SLC12A1: variants seen among roughly 807,000 people sequenced by gnomAD.
SLC12A1 encodes solute carrier family 12 member 1.
Under a neutral mutation model 130.4 loss-of-function variants are expected in SLC12A1, and 89 were observed. That is an observed-to-expected ratio of 0.68 (90% CI 0.58 to 0.81). The LOEUF (loss-of-function observed/expected upper bound fraction) is 0.81. Ranked by LOEUF, SLC12A1 falls within the 40% of genes least tolerant of loss-of-function variation. The probability of loss-of-function intolerance (pLI) is 0.00; values close to 1 mark genes in which losing one functional copy is unlikely to be tolerated. For synonymous variants in SLC12A1, 499 were observed against 460.0 expected, an observed-to-expected ratio of 1.08 and a Z score of -1.09; for missense variants, 1,310 against 1,336.4, an observed-to-expected ratio of 0.98 and a Z score of 0.31.
chr15:48,259,903 A>C (rs1025726635), intron 17 of SLC12A1, among the ~76,000 whole-genome samples: 14 of 152,182 alleles, frequency 9.2e-5, no homozygotes, highest in Non-Finnish European at 4.4e-5. Context: ...GGTATTCAAA[A>C]CTGGTGCTAG....
At chr15:48,283,057 G>A (rs2042023997) in intron 20 of SLC12A1, among the ~76,000 whole-genome samples, 1 of 152,170 alleles carries the variant, frequency 6.6e-6, no homozygotes, top group Non-Finnish European at 1.5e-5. Flanking sequence ...CACCCAAAGA[G>A]TGTGCAATAA....
chr15:48,299,845 T>G (rs1288843211), intron 25 of SLC12A1, among the ~76,000 whole-genome samples: 2 of 152,030 alleles, frequency 1.3e-5, no homozygotes, highest in Non-Finnish European at 2.9e-5. Flanking sequence ...ATGAAGTTGG[T>G]GATAATGAGA....
At chr15:48,226,782 T>G in intron 5 of SLC12A1, 1 of 609,698 alleles carries the variant, frequency 1.6e-6, no homozygotes, top group Non-Finnish European at 2.9e-6. Context: ...TCTGGCACAT[T>G]GTAGGTTATG....
intron 20 of SLC12A1, among the ~76,000 whole-genome samples, chr15:48,282,981 A>G (rs2042023238): frequency 6.6e-6 from 1 of 152,228 alleles, no homozygotes; most frequent in Non-Finnish European, 1.5e-5. Context: ...TACAAAATGA[A>G]GATGATAATA....
In SLC12A1 at chr15:48,255,846, T is replaced by C. The variant is rs1202784449; in HGVS notation, c.1978T>C (p.Tyr660His). Reference protein sequence around the residue: ...NWGSSTQALSYVSALDNALEL... With the variant: ...NWGSSTQALSHVSALDNALEL... ...GGGCTCCTCCACACAGGCTCTTTCC[T>C]ACGTGAGTGCTTTAGACAATGCTCT... The change falls in exon 16 of 27, where the codon TAC becomes CAC. Residue 660 changes from tyrosine (Y) to histidine (H), a missense_variant. Transcript: ENST00000380993. 4.4e-6 allele frequency: 7 copies of C among 1,608,516 alleles called. No homozygotes were observed. The Admixed American group carries it at 6.7e-5, about 16-fold the overall frequency.
chr15:48,265,059 T>A (rs2041818455), intron 17 of SLC12A1, among the ~76,000 whole-genome samples: 1 of 152,208 alleles, frequency 6.6e-6, no homozygotes, highest in Non-Finnish European at 1.5e-5. Flanking sequence ...CTATGGCATA[T>A]TTGAATGTTG....
intron 16 of SLC12A1, among the ~76,000 whole-genome samples, chr15:48,256,828 C>CT (rs927027066): frequency 4.1e-5 from 6 of 145,232 alleles, no homozygotes; most frequent in Admixed American, 4.1e-4. Context: ...CCTGGCCCCC[C>CT]CCCCCAAATT....
At chr15:48,279,576 T>C (rs933071371) in intron 20 of SLC12A1, among the ~76,000 whole-genome samples, 4 of 152,192 alleles carry the variant, frequency 2.6e-5, no homozygotes, top group African/African-American at 9.7e-5. Context: ...CCAATACTGA[T>C]GACTGATAGT....
intron 8 of SLC12A1, 71 bp downstream of exon 8, chr15:48,232,909 A>T (rs373057810): frequency 6.7e-6 from 6 of 893,420 alleles, no homozygotes; most frequent in South Asian, 3.0e-5. Flanking sequence ...ATCCCCATCA[A>T]CCCAACCCCA....
intron 5 of SLC12A1, chr15:48,226,842 G>A: frequency 1.7e-6 from 1 of 593,150 alleles, no homozygotes; most frequent in Non-Finnish European, 2.9e-6. Flanking sequence ...TTTCAGGCTA[G>A]TCTGCACACC....
In SLC12A1 at chr15:48,207,561, C is replaced by T. The variant is rs932729578; in HGVS notation, c.-159C>T. ...TTGAAGAACATCCTGAAGATTATAT[C>T]GGAGACAATATATCAAGAATCTATT... is the stretch of plus-strand genomic sequence containing the variant. On this transcript the variant is annotated 5_prime_UTR_variant, in exon 2 of 27. Transcript: ENST00000380993. The T allele has an allele frequency of 1.2e-5, 6 of 496,902 alleles. No homozygotes were observed. The highest frequency in any genetic ancestry group is 7.6e-5 in the Admixed American group (2 of 26,420). 30.8% of individuals were successfully genotyped at this position (496,902 alleles called of 1,614,324 possible). A position where few individuals can be genotyped will look rare whatever the true frequency, so the allele number is the denominator to read the frequency against.
At chr15:48,251,550 T>G in intron 14 of SLC12A1, 65 bp from the exon 15 acceptor site, 1 of 1,287,538 alleles carries the variant, frequency 7.8e-7, no homozygotes, top group Non-Finnish European at 1.1e-6. Context: ...ACCTGCATTC[T>G]TCTAATATTC....
rs549892897 is a variant in SLC12A1, at chr15:48,208,435, C to T, written c.420+296C>T. Among the ~76,000 whole-genome samples, 7 of 152,234 alleles carry T rather than the reference C, an allele frequency of 4.6e-5. No homozygotes were observed. In the East Asian group the frequency reaches 1.4e-3, roughly 29 times the overall value. On this transcript the variant is annotated intron_variant, in intron 2 of 26. Coordinates refer to ENST00000380993, the MANE Select transcript of SLC12A1 (RefSeq NM_000338.3). ...TCAAACAATCCTCCCACCTCAACCT[C>T]CTGAGTAGCTGGGACTGCAGGCATG...
chr15:48,229,993 C>A (rs1350448527), intron 6 of SLC12A1, among the ~76,000 whole-genome samples: 1 of 152,212 alleles, frequency 6.6e-6, no homozygotes, highest in Non-Finnish European at 1.5e-5. Context: ...GTCATCTGGT[C>A]TTACATAGGA....
intron 21 of SLC12A1, among the ~76,000 whole-genome samples, chr15:48,286,106 G>A (rs909220535): frequency 5.9e-5 from 9 of 152,198 alleles, no homozygotes; most frequent in Admixed American, 1.3e-4. Context: ...TAGGTTGACC[G>A]GCGCCAACCC....
At chr15:48,222,520 T>C (rs1167408354) in intron 4 of SLC12A1, 1 of 152,032 alleles carries the variant, frequency 6.6e-6, no homozygotes, top group Non-Finnish European at 1.5e-5. Context: ...TTAAATTATA[T>C]ATTAGAAGAG....
At chr15:48,301,275 T>C (rs766231538) in intron 25 of SLC12A1, 40 bp from the exon 26 acceptor site, 3 of 1,348,172 alleles carry the variant, frequency 2.2e-6, no homozygotes, top group South Asian at 2.5e-5. Context: ...TTCATAATTC[T>C]GGTAGAACTG....
At chr15:48,220,602 A>G (rs749629918) in intron 2 of SLC12A1, 32 bp from the exon 3 acceptor site, 6 of 1,600,250 alleles carry the variant, frequency 3.7e-6, no homozygotes, top group South Asian at 3.4e-5. Flanking sequence ...TCATTGACCA[A>G]CTACTGTGTT....
chr15:48,266,826 T>G (rs2041836805), intron 17 of SLC12A1, among the ~76,000 whole-genome samples: 1 of 152,216 alleles, frequency 6.6e-6, no homozygotes, highest in Admixed American at 6.5e-5. Flanking sequence ...AATAGAATTT[T>G]TCATTAAAAA....
Sources: allele counts gnomAD v4.1 joint callset (sites outside exome capture counted in the v4.1 genomes callset), GRCh38; gene constraint gnomAD v4.1.1; transcripts MANE v1.5; gene names NCBI Gene and HGNC (gene_info 2026-07-23, HGNC 2026-07-21).